GGA2: variants seen among roughly 807,000 people sequenced by gnomAD.
GGA2 encodes the protein ADP-ribosylation factor-binding protein GGA2.
GGA2 carries 48 observed loss-of-function variants against 79.5 expected under a neutral mutation model. The observed-to-expected ratio is 0.60, with a 90% confidence interval of 0.48 to 0.77. The LOEUF is 0.77. Among genes scored for constraint, GGA2 ranks in the 30% least tolerant of loss-of-function variants. The pLI, the probability that GGA2 is intolerant of heterozygous loss-of-function variation, is 0.00. For synonymous variants in GGA2, 317 were observed against 302.0 expected (o/e 1.05, Z -0.51); for missense variants, 770 against 774.0 (o/e 0.99, Z 0.06).
Position 23,475,073 on chromosome 16 carries a change from T to A in GGA2, c.1293-12A>T, listed in dbSNP as rs1047916660. ...GCGAAACATAATTCCTACAAAGAAA[T>A]AAAAAATATCAAAGACTAGCAAAAA... is the stretch of plus-strand genomic sequence containing the variant. On this transcript the variant is annotated splice_polypyrimidine_tract_variant and intron_variant, in intron 13 of 16. Coordinates refer to ENST00000309859, the MANE Select transcript of GGA2 (RefSeq NM_015044.4). 3 of 1,539,812 alleles carry A rather than the reference T, an allele frequency of 1.9e-6. No individual in the cohort carries two copies. Among genetic ancestry groups the A allele is most frequent in the Non-Finnish European group, 2.6e-6 (3 of 1,141,012 alleles).
intron 6 of GGA2, 126 bp downstream of exon 6, chr16:23,488,480 G>A: frequency 1.4e-6 from 1 of 713,552 alleles, no homozygotes; most frequent in East Asian, 2.5e-5. Context: ...CACTCCTAAG[G>A]GCCTGTCTGG....
At chr16:23,521,357 A>G (rs1224151978) in intron 1 of GGA2, among the ~76,000 whole-genome samples, 5 of 152,260 alleles carry the variant, frequency 3.3e-5, no homozygotes, top group African/African-American at 7.2e-5. Context: ...AGTAATTCAA[A>G]TAAGTAGAAT....
chr16:23,497,493 G>A (rs914648914), intron 1 of GGA2, among the ~76,000 whole-genome samples: 14 of 152,124 alleles, frequency 9.2e-5, no homozygotes, highest in Admixed American at 8.5e-4. Flanking sequence ...GAGGGTCAAC[G>A]GACAGGTAAT....
At position 23,491,745 on chromosome 16, in the gene GGA2, A is replaced by T. The variant is rs781573550; in HGVS notation, c.407T>A (p.Phe136Tyr). The change falls in exon 5 of 17, where the codon TTC becomes TAC. Residue 136 changes from phenylalanine to tyrosine, a missense_variant. Coordinates refer to ENST00000309859, the MANE Select transcript of GGA2 (RefSeq NM_015044.4). Reference sequence around the variant, plus strand: ...TTCCGGAAACCAGACTGTCCAACTGAAGAGTATTTCAATGACTCTTCCTTT... The same window carrying T: ...TTCCGGAAACCAGACTGTCCAACTGTAGAGTATTTCAATGACTCTTCCTTT... ...KVKGRVIEIL[F>Y]SWTVWFPEDI... is the part of the protein sequence containing the mutation. The T allele has an allele frequency of 1.3e-5, 21 of 1,611,534 alleles. No homozygotes were observed. Among genetic ancestry groups the T allele is most frequent in the Non-Finnish European group, 1.8e-5 (21 of 1,177,680 alleles).
At chr16:23,484,748 A>G (rs1031524253) in intron 8 of GGA2, among the ~76,000 whole-genome samples, 9 of 152,362 alleles carry the variant, frequency 5.9e-5, no homozygotes, top group African/African-American at 2.2e-4. Context: ...AACTGGAGCC[A>G]ATACATTGCT....
chr16:23,491,528 CGTAA>C, intron 5 of GGA2, 145 bp downstream of exon 5: 1 of 426,348 alleles, frequency 2.3e-6, no homozygotes, highest in Non-Finnish European at 3.9e-6. Flanking sequence ...AGATTTATTG[CGTAA>C]AAAAAAAAAA....
At chr16:23,480,571 T>A (rs1434305237) in intron 10 of GGA2, 74 bp downstream of exon 10, 2 of 1,302,220 alleles carry the variant, frequency 1.5e-6, no homozygotes, top group African/African-American at 2.9e-5. Flanking sequence ...AGAATATGTT[T>A]AGGACCCATT....
rs150275766 is a variant in GGA2 at position 23,494,366 on chromosome 16, C to T, written c.189G>A (p.Ala63=). The T allele has an allele frequency of 2.8e-5, 45 of 1,610,764 alleles. No individual in the cohort carries two copies. The African/African-American group carries it at 5.1e-4, about 18-fold the overall frequency. ...GGATCTTGTGGGCCAGTAGCCAGGG[C>T]GCATGTGTGGGGCTACAGGGAAACA... The part of the protein sequence containing the change: ...VNTDPNGPTH[A]PWLLAHKIQS... Residue 63 remains alanine, a synonymous_variant, in exon 3 of 17, where the codon GCG becomes GCA. Transcript: ENST00000309859.
In GGA2 at chr16:23,510,320, C is replaced by A; in HGVS notation, c.91+1G>T. ...CGCCGAAGGCCTGCCAGGCTACTCACTGAGCCACAGCTCCAGCGACGCTGC... is the reference window on the plus strand; with the variant it reads ...CGCCGAAGGCCTGCCAGGCTACTCAATGAGCCACAGCTCCAGCGACGCTGC... On this transcript the variant is annotated splice_donor_variant, in intron 1 of 16. Coordinates refer to ENST00000309859, the MANE Select transcript of GGA2 (RefSeq NM_015044.4). LOFTEE classifies it high-confidence loss of function. 6 of 1,436,100 alleles carry A rather than the reference C, an allele frequency of 4.2e-6. No individual in the cohort carries two copies. Among genetic ancestry groups the A allele is most frequent in the Non-Finnish European group, 5.5e-6 (6 of 1,093,936 alleles). 89.0% of individuals were successfully genotyped at this position (1,436,100 alleles called of 1,614,324 possible).
chr16:23,520,253 CAAAA>C (rs3071381), intron 1 of GGA2, among the ~76,000 whole-genome samples: 1 of 114,442 alleles, frequency 8.7e-6, no homozygotes, highest in Non-Finnish European at 1.7e-5. Flanking sequence ...AACTACGTCT[CAAAA>C]AAAAAAAAAA....
chr16:23,491,644 A>C (rs1964789003), intron 5 of GGA2, 33 bp downstream of exon 5: 1 of 1,607,860 alleles, frequency 6.2e-7, no homozygotes, highest in Admixed American at 1.7e-5. Context: ...GGCCTAGTCA[A>C]GAGGAAATAA....
Position 23,494,347 on chromosome 16 carries a change from T to C in GGA2, c.208A>G (p.Lys70Glu), listed in dbSNP as rs1964827916. ...TCCTTCTCTTGCGGAGACTGGATCTTGTGGGCCAGTAGCCAGGGCGCATGT... is the reference window on the plus strand; with the variant it reads ...TCCTTCTCTTGCGGAGACTGGATCTCGTGGGCCAGTAGCCAGGGCGCATGT... ...PTHAPWLLAH[K>E]IQSPQEKEAL... Residue 70 changes from lysine (K) to glutamate (E), a missense_variant, in exon 3 of 17, where the codon AAG becomes GAG. Coordinates refer to ENST00000309859, the MANE Select transcript of GGA2 (RefSeq NM_015044.4). 4 of 1,612,902 alleles carry C rather than the reference T, an allele frequency of 2.5e-6. No individual in the cohort carries two copies. Among genetic ancestry groups the C allele is most frequent in the South Asian group, 1.1e-5 (1 of 91,080 alleles).
At chr16:23,524,156 C>G (rs995912366), upstream of GGA2, 3 of 596,010 alleles carry the variant, frequency 5.0e-6, no homozygotes, top group African/African-American at 5.6e-5. Context: ...TTTCCAGAGT[C>G]CAGGAGGTTA....
At chr16:23,517,675 C>G (rs893110242) in intron 2 of GGA2, among the ~76,000 whole-genome samples, 1 of 152,196 alleles carries the variant, frequency 6.6e-6, no homozygotes, top group Non-Finnish European at 1.5e-5. Flanking sequence ...TTTCATCCCT[C>G]TCCTTGGAAT....
chr16:23,517,615 CCT>C (rs1490590968), intron 2 of GGA2, among the ~76,000 whole-genome samples: 3 of 152,110 alleles, frequency 2.0e-5, no homozygotes, highest in Non-Finnish European at 2.9e-5. Flanking sequence ...CTACCTCTCC[CCT>C]GACTCCTACT....
upstream of GGA2, among the ~76,000 whole-genome samples, chr16:23,513,998 T>C (rs1238101997): frequency 6.6e-6 from 1 of 152,134 alleles, no homozygotes; most frequent in Non-Finnish European, 1.5e-5. Flanking sequence ...CATACCATTT[T>C]GTTCAATCCT....
At chr16:23,490,174 TAACA>T (rs1422128732) in intron 5 of GGA2, among the ~76,000 whole-genome samples, 1 of 152,124 alleles carries the variant, frequency 6.6e-6, no homozygotes, top group South Asian at 2.1e-4. Context: ...TGAAGAAAAC[TAACA>T]AACTAGCTAG....
At chr16:23,494,039 G>GTCTAA in intron 3 of GGA2, 1 of 499,442 alleles carries the variant, frequency 2.0e-6, no homozygotes. Flanking sequence ...GCCAGCCCTG[G>GTCTAA]TCTAAGAAGG....
rs1296950019 is a variant in GGA2 at position 23,486,767 on chromosome 16, G to A, written c.603C>T (p.Ser201=). ...KSKLLTRLLK[S]NHPEDLQAAN... Reference sequence around the variant, plus strand: ...CAGCCTGAAGGTCCTCGGGGTGGTTGCTCTTTAGAAGCCTTGTCAGAAGCT... The same window carrying A: ...CAGCCTGAAGGTCCTCGGGGTGGTTACTCTTTAGAAGCCTTGTCAGAAGCT... Residue 201 remains serine, a synonymous_variant, in exon 7 of 17, where the codon AGC becomes AGT. Transcript: ENST00000309859. The A allele has an allele frequency of 6.2e-7, 1 of 1,610,870 alleles. No individual in the cohort carries two copies. The highest frequency in any genetic ancestry group is 8.5e-7 in the Non-Finnish European group (1 of 1,177,016).
Sources: gnomAD v4.1 joint callset for allele counts (sites outside exome capture counted in the v4.1 genomes callset) on GRCh38, gnomAD v4.1.1 for gene constraint, MANE v1.5 for transcripts, NCBI Gene and HGNC (gene_info 2026-07-23, HGNC 2026-07-21) for gene names.